The following NRG1 variants were observed in gnomAD, a reference collection of about 807,000 sequenced individuals.
NRG1 encodes pro-neuregulin-1, membrane-bound isoform.
NRG1 carries 18 observed loss-of-function variants against 63.8 expected under a neutral mutation model. The observed-to-expected ratio is 0.28, with a 90% CI of 0.19 to 0.42. The LOEUF is 0.42. Ranked by LOEUF, NRG1 falls within the 10% of genes least tolerant of loss-of-function variation. The probability of loss-of-function intolerance (pLI) is 1.00; values close to 1 mark genes in which losing one functional copy is unlikely to be tolerated. For synonymous variants in NRG1, 302 were observed against 301.3 expected (o/e 1.00, Z -0.02); for missense variants, 762 against 814.7 (o/e 0.94, Z 0.79).
intron 1 of NRG1, among the ~76,000 whole-genome samples, chr8:32,003,404 A>G (rs1454831844): frequency 6.6e-6 from 1 of 152,064 alleles, no homozygotes; most frequent in Non-Finnish European, 1.5e-5. Context: ...CCTCACCTGG[A>G]ACATTCATCA....
upstream of NRG1, chr8:32,548,218 G>A (rs1833329150): frequency 1.0e-6 from 1 of 984,724 alleles, no homozygotes; most frequent in Non-Finnish European, 1.2e-6. Flanking sequence ...GCGAGGCCAG[G>A]GGAGGGTGCG....
intron 1 of NRG1, among the ~76,000 whole-genome samples, chr8:32,024,884 AACCTGTT>A (rs1817003044): frequency 6.6e-6 from 1 of 152,242 alleles, no homozygotes; most frequent in South Asian, 2.1e-4. Flanking sequence ...ACTGTCTTTT[AACCTGTT>A]TAGAAAGAAT....
At chr8:31,725,164 C>A (rs1813301674) in intron 1 of NRG1, among the ~76,000 whole-genome samples, 1 of 152,142 alleles carries the variant, frequency 6.6e-6, no homozygotes, top group Admixed American at 6.5e-5. Context: ...CCAAGGTCTG[C>A]AATTCACTAG....
At chr8:32,129,937 C>G (rs1834587778) in intron 1 of NRG1, among the ~76,000 whole-genome samples, 1 of 151,812 alleles carries the variant, frequency 6.6e-6, no homozygotes, top group Non-Finnish European at 1.5e-5. Flanking sequence ...TCTTGGATGA[C>G]AAGAAATTAC....
At chr8:31,947,616 GATCA>G (rs2129622196) in intron 1 of NRG1, among the ~76,000 whole-genome samples, 1 of 151,988 alleles carries the variant, frequency 6.6e-6, no homozygotes, top group African/African-American at 2.4e-5. Context: ...ATTGAATATT[GATCA>G]ATTTAGTCAC....
At chr8:32,249,146 T>C (rs530483050) in intron 1 of NRG1, among the ~76,000 whole-genome samples, 1 of 152,176 alleles carries the variant, frequency 6.6e-6, no homozygotes, top group East Asian at 1.9e-4. Flanking sequence ...TAGGGAAATA[T>C]TTTATTTTTA....
chr8:32,428,440 T>C (rs1016468983), intron 1 of NRG1, among the ~76,000 whole-genome samples: 2 of 152,104 alleles, frequency 1.3e-5, no homozygotes, highest in African/African-American at 4.8e-5. Context: ...CAGGGCTTCA[T>C]TGTTGGGATG....
At chr8:31,780,572 T>A (rs1819586660) in intron 1 of NRG1, among the ~76,000 whole-genome samples, 1 of 152,194 alleles carries the variant, frequency 6.6e-6, no homozygotes, top group Non-Finnish European at 1.5e-5. Flanking sequence ...CGAATCCAAT[T>A]TTTCTATTGA....
At chr8:32,095,262 T>C (rs982652751) in intron 1 of NRG1, among the ~76,000 whole-genome samples, 16 of 152,188 alleles carry the variant, frequency 1.1e-4, no homozygotes, top group African/African-American at 3.9e-4. Flanking sequence ...CAATATAAGA[T>C]AACATGAGCA....
chr8:32,104,124 A>G (rs1830943247), intron 1 of NRG1, among the ~76,000 whole-genome samples: 1 of 152,146 alleles, frequency 6.6e-6, no homozygotes. Context: ...CACTTACATG[A>G]ACCCTGATGG....
At chr8:31,763,658 AATAG>A (rs998571562) in intron 1 of NRG1, among the ~76,000 whole-genome samples, 3 of 152,252 alleles carry the variant, frequency 2.0e-5, no homozygotes, top group Non-Finnish European at 4.4e-5. Flanking sequence ...GGCATTTAAA[AATAG>A]ATAGTTGGCC....
rs552255472 is a variant in NRG1, at chr8:31,799,976, C to T, written c.37+160545C>T. Among the ~76,000 whole-genome samples, 7 of 152,230 alleles carry T rather than the reference C, an allele frequency of 4.6e-5. No individual in the cohort carries two copies. In the East Asian group the frequency reaches 5.8e-4, roughly 13 times the overall value. On this transcript the variant is annotated intron_variant, in intron 1 of 10. Coordinates refer to the NRG1 transcript ENST00000519301. ...GCAACTAGAGCTACTTTATCCACAG[C>T]GATTTGAAGCCATGTTGAACCTATA...
At chr8:31,648,281 G>C (rs549425848) in intron 1 of NRG1, among the ~76,000 whole-genome samples, 1 of 151,464 alleles carries the variant, frequency 6.6e-6, no homozygotes, top group Non-Finnish European at 1.5e-5. Context: ...CTACAGGCGC[G>C]CGCCACCATG....
At chr8:31,815,181 C>T (rs1823316632) in intron 1 of NRG1, among the ~76,000 whole-genome samples, 1 of 152,106 alleles carries the variant, frequency 6.6e-6, no homozygotes, top group Non-Finnish European at 1.5e-5. Flanking sequence ...GAATCCATTG[C>T]CATAGCTCCT....
At chr8:31,791,708 A>G (rs7004465) in intron 1 of NRG1, among the ~76,000 whole-genome samples, 147,210 of 152,252 alleles carry the variant, frequency 0.97, 71,348 homozygotes, top group East Asian at 1. Flanking sequence ...TGCTGTATTC[A>G]CATCTGGTGG....
chr8:32,253,048 A>G (rs1849295874), intron 1 of NRG1, among the ~76,000 whole-genome samples: 1 of 152,138 alleles, frequency 6.6e-6, no homozygotes, highest in African/African-American at 2.4e-5. Context: ...TTGTTTTTGT[A>G]TTCTGAAACT....
intron 1 of NRG1, among the ~76,000 whole-genome samples, chr8:32,032,103 G>T (rs1477349723): frequency 6.6e-6 from 1 of 151,976 alleles, no homozygotes; most frequent in Non-Finnish European, 1.5e-5. Context: ...TCCCCAACTT[G>T]CCAGCACCTG....
chr8:32,012,915 C>A (rs1245249302), intron 1 of NRG1, among the ~76,000 whole-genome samples: 1 of 151,980 alleles, frequency 6.6e-6, no homozygotes, highest in East Asian at 1.9e-4. Context: ...ATAACTTTCT[C>A]CCAACTCAGC....
At chr8:31,910,284 G>T (rs1367905440) in intron 1 of NRG1, among the ~76,000 whole-genome samples, 1 of 151,944 alleles carries the variant, frequency 6.6e-6, no homozygotes, top group Admixed American at 6.6e-5. Flanking sequence ...GATTGAGACA[G>T]ACATGCAGCA....
Sources: gnomAD v4.1 joint callset for allele counts (sites outside exome capture counted in the v4.1 genomes callset) on GRCh38, gnomAD v4.1.1 for gene constraint, MANE v1.5 for transcripts, NCBI Gene and HGNC (gene_info 2026-07-23, HGNC 2026-07-21) for gene names.